The following TOGARAM2 variants were observed in gnomAD, a reference collection of about 807,000 sequenced individuals.
The protein encoded by TOGARAM2 is TOG array regulator of axonemal microtubules 2, also known as TOG array regulator of axonemal microtubules protein 2.
Under a neutral mutation model 93.3 loss-of-function variants are expected in TOGARAM2, and 85 were observed. That is an observed-to-expected ratio of 0.91 (90% CI 0.76 to 1.09). The LOEUF is 1.09. TOGARAM2 is among the 50% of genes least tolerant of loss of function. TOGARAM2 has a pLI of 0.00. For synonymous variants in TOGARAM2, 593 were observed against 552.8 expected, an observed-to-expected ratio of 1.07 and a Z score of -1.02; for missense variants, 1,277 against 1,334.5, an observed-to-expected ratio of 0.96 and a Z score of 0.67.
chr2:29,040,279 A>G (rs1666353289), intron 18 of TOGARAM2, among the ~76,000 whole-genome samples: 1 of 152,208 alleles, frequency 6.6e-6, no homozygotes, highest in Admixed American at 6.5e-5. Flanking sequence ...CTAGTTAATT[A>G]GAAAACCGAA....
At chr2:29,005,327 GTGTGAGACCGTGTGTGTGCA>G (rs1285738125) in intron 6 of TOGARAM2, among the ~76,000 whole-genome samples, 1 of 72,018 alleles carries the variant, frequency 1.4e-5, no homozygotes, top group Admixed American at 1.6e-4. Flanking sequence ...GTGCATGTGT[GTGTGAGACCGTGTGTGTGCA>G]TGTGTGGAGC....
At chr2:28,986,112 C>CAGAA (rs775445124) in intron 1 of TOGARAM2, among the ~76,000 whole-genome samples, 1 of 95,058 alleles carries the variant, frequency 1.1e-5, no homozygotes, top group Non-Finnish European at 2.0e-5. Context: ...AACTGTGTCT[C>CAGAA]AAAAAAAAAA....
intron 6 of TOGARAM2, among the ~76,000 whole-genome samples, chr2:29,005,012 ATGTGTGAGTGCATG>A (rs1673586643): frequency 2.2e-5 from 2 of 89,612 alleles, no homozygotes; most frequent in African/African-American, 4.4e-5. Flanking sequence ...GTGCATGTGT[ATGTGTGAGTGCATG>A]TATGTGAGTG....
At chr2:29,049,524 C>T (rs1443239264) in intron 19 of TOGARAM2, 1 of 152,212 alleles carries the variant, frequency 6.6e-6, no homozygotes, top group Non-Finnish European at 1.5e-5. Flanking sequence ...TAGGCGGCTA[C>T]TCAGGGTCAT....
intron 19 of TOGARAM2, chr2:29,048,845 ATT>A (rs35220823): frequency 0.019 from 1,828 of 98,596 alleles, 40 homozygotes; most frequent in African/African-American, 0.065. Flanking sequence ...CACCCAGCTA[ATT>A]TTTTTTTTTT....
At chr2:28,998,949 A>G (rs1475171689) in intron 3 of TOGARAM2, among the ~76,000 whole-genome samples, 2 of 152,010 alleles carry the variant, frequency 1.3e-5, no homozygotes, top group South Asian at 2.1e-4. Context: ...CTGCCTGTGG[A>G]TTCCCCCTTT....
At position 29,051,816 on chromosome 2, in the gene TOGARAM2, T is replaced by A; in HGVS notation, c.2783T>A (p.Ile928Asn). The change falls in exon 20 of 20, where the codon ATC becomes AAC. Residue 928 changes from isoleucine (I) to asparagine (N), a missense_variant. Transcript: ENST00000379558. ...PQAVERHVLP[I>N]LWHFLNTATR... is the part of the protein sequence containing the mutation. ...GCTGTAGAGCGGCATGTCCTTCCCATCCTCTGGCACTTCCTGAACACCGCC... is the reference window on the plus strand; with the variant it reads ...GCTGTAGAGCGGCATGTCCTTCCCAACCTCTGGCACTTCCTGAACACCGCC... 1.3e-6 allele frequency: 2 copies of A among 1,561,606 alleles called. No homozygotes were observed. The highest frequency in any genetic ancestry group is 1.7e-6 in the Non-Finnish European group (2 of 1,152,242).
In TOGARAM2 at chr2:29,017,872, AT is replaced by A; in HGVS notation, c.1277del (p.Ile426ThrfsTer2). 1 of 1,613,496 alleles carries A rather than the reference AT, an allele frequency of 6.2e-7. No individual in the cohort carries two copies. The highest frequency in any genetic ancestry group is 8.5e-7 in the Non-Finnish European group (1 of 1,179,736). ...SGPCRNDVSI[I>X]LRKWASRASL... ...CCCATGCAGAAACGACGTCAGCATCATCCTGAGGAAGTGGGCCAGCCGGGCC... is the reference window on the plus strand; with the variant it reads ...CCCATGCAGAAACGACGTCAGCATCACCTGAGGAAGTGGGCCAGCCGGGCC... On this transcript the variant is annotated frameshift_variant, in exon 10 of 20. Coordinates refer to ENST00000379558, the MANE Select transcript of TOGARAM2 (RefSeq NM_199280.4). LOFTEE classifies it high-confidence loss of function.
At chr2:28,960,866 C>T (rs550707212) in intron 1 of TOGARAM2, among the ~76,000 whole-genome samples, 5 of 152,130 alleles carry the variant, frequency 3.3e-5, no homozygotes, top group Admixed American at 1.3e-4. Context: ...CACTAATTTA[C>T]GTTTAAATAG....
chr2:29,040,346 A>C (rs1281934960), intron 18 of TOGARAM2, among the ~76,000 whole-genome samples: 1 of 152,228 alleles, frequency 6.6e-6, no homozygotes, highest in Non-Finnish European at 1.5e-5. Context: ...TGAAGATACA[A>C]AGCATTTGAA....
intron 12 of TOGARAM2, among the ~76,000 whole-genome samples, chr2:29,023,473 G>A (rs1242301881): frequency 6.6e-6 from 1 of 152,194 alleles, no homozygotes; most frequent in Non-Finnish European, 1.5e-5. Context: ...GCCTAAGGAG[G>A]GATGGAGCGT....
chr2:29,049,854 C>A (rs369762099), intron 19 of TOGARAM2: 1 of 152,174 alleles, frequency 6.6e-6, no homozygotes, highest in African/African-American at 2.4e-5. Context: ...CCTGCAAGAG[C>A]CCCAAGGGTG....
chr2:29,043,128 T>C (rs1666534508), intron 18 of TOGARAM2, among the ~76,000 whole-genome samples: 1 of 152,232 alleles, frequency 6.6e-6, no homozygotes, highest in South Asian at 2.1e-4. Context: ...GCCATTCATA[T>C]GAAAATCTAT....
intron 6 of TOGARAM2, among the ~76,000 whole-genome samples, chr2:29,009,437 A>C (rs1664082639): frequency 6.7e-6 from 1 of 149,892 alleles, no homozygotes; most frequent in Admixed American, 6.6e-5. Context: ...GACCGTGTAG[A>C]TGGAGGTGGG....
chr2:29,022,850 A>T (rs1254583626), intron 11 of TOGARAM2, among the ~76,000 whole-genome samples: 1 of 152,194 alleles, frequency 6.6e-6, no homozygotes, highest in African/African-American at 2.4e-5. Context: ...GCTTCCATAC[A>T]GCACTGTCAG....
chr2:28,994,542 A>G (rs1164282027), intron 1 of TOGARAM2, among the ~76,000 whole-genome samples, 183 bp from the exon 2 acceptor site: 2 of 152,228 alleles, frequency 1.3e-5, no homozygotes, highest in East Asian at 3.8e-4. Flanking sequence ...TCCCAAAACC[A>G]CACGGCCTCG....
In TOGARAM2 at chr2:28,956,949, C is replaced by T. The variant is rs1572612824; in HGVS notation, c.-147+252C>T. On this transcript the variant is annotated intron_variant, in intron 1 of 6. Coordinates refer to the TOGARAM2 transcript ENST00000401723. This position sits in a 1 kb window ranked among gnomAD's most constrained non-coding sequence, Gnocchi z 4.5. Reference sequence around the variant, plus strand: ...AGACTAGCCTAGCCAACATGGCGAACCCCTGTCTCTACTAAAAGTACAAAA... The same window carrying T: ...AGACTAGCCTAGCCAACATGGCGAATCCCTGTCTCTACTAAAAGTACAAAA... Among the ~76,000 whole-genome samples the T allele has an allele frequency of 6.6e-6, 1 of 151,870 alleles. No homozygotes were observed. The highest frequency in any genetic ancestry group is 1.5e-5 in the Non-Finnish European group (1 of 67,980).
At position 29,000,533 on chromosome 2, in the gene TOGARAM2, C is replaced by T. The variant is rs562565029; in HGVS notation, c.427+1065C>T. 1.6e-4 allele frequency among the ~76,000 whole-genome samples: 25 copies of T among 152,240 alleles called. No individual in the cohort carries two copies. The South Asian group carries it at 4.1e-3, about 25-fold the overall frequency. ...TACATTGTTACTATTTTCCTTCCTT[C>T]TCTCCTCTTCTGGGTGAATCATACG... On this transcript the variant is annotated intron_variant, in intron 4 of 19. Coordinates refer to ENST00000379558, the MANE Select transcript of TOGARAM2 (RefSeq NM_199280.4).
intron 14 of TOGARAM2, among the ~76,000 whole-genome samples, chr2:29,031,579 GA>G (rs1436188724): frequency 2.6e-5 from 4 of 152,336 alleles, no homozygotes; most frequent in South Asian, 2.1e-4. Flanking sequence ...TTGTATATGA[GA>G]AAAGGCATGG....
Sources: gnomAD v4.1 joint callset for allele counts (sites outside exome capture counted in the v4.1 genomes callset) on GRCh38, gnomAD v4.1.1 for gene constraint, Gnocchi (gnomAD v3.1) non-coding constraint, MANE v1.5 for transcripts, NCBI Gene and HGNC (gene_info 2026-07-23, HGNC 2026-07-21) for gene names.